Variants in IGSF10 observed in about 807,000 individuals in gnomAD.
IGSF10 encodes immunoglobulin superfamily member 10.
A neutral mutation model predicts 128.2 loss-of-function variants in IGSF10; 126 were observed. The ratio of observed to expected loss-of-function variants is 0.98; its 90% CI spans 0.85 to 1.14. IGSF10 has a LOEUF of 1.14. IGSF10 is among the 50% of genes most tolerant of loss of function. The pLI is 0.00. For missense variants in IGSF10, 3,295 were observed against 3,149.8 expected, an observed-to-expected ratio of 1.05 and a Z score of -1.10; for synonymous variants, 1,185 against 1,146.2, an observed-to-expected ratio of 1.03 and a Z score of -0.68.
At chr3:151,604,150 T>A in the IGSF10 span, among the ~76,000 whole-genome samples, 1 of 152,202 alleles carries the variant, frequency 6.6e-6, no homozygotes, top group East Asian at 1.9e-4. Context: ...GTATAGTAAG[T>A]AAACTATCTA....
At chr3:151,519,796 T>A in the IGSF10 span, among the ~76,000 whole-genome samples, 1 of 151,806 alleles carries the variant, frequency 6.6e-6, no homozygotes, top group Non-Finnish European at 1.5e-5. Flanking sequence ...CAGGTGAGAG[T>A]AAAGCCTTAG....
At chr3:151,476,603 T>A in the IGSF10 span, among the ~76,000 whole-genome samples, 1 of 152,186 alleles carries the variant, frequency 6.6e-6, no homozygotes, top group Admixed American at 6.5e-5. Context: ...CAAGTGGCCT[T>A]GCGCCTTGGG....
At chr3:151,617,260 C>CTCCTCTTCTTCTTCTTCT in the IGSF10 span, among the ~76,000 whole-genome samples, 1 of 55,688 alleles carries the variant, frequency 1.8e-5, no homozygotes, top group Admixed American at 1.9e-4. Context: ...TCTTCTCCTT[C>CTCCTCTTCTTCTTCTTCT]TCTTCTTCTT....
At chr3:151,454,911 C>T (rs114576503) in intron 4 of IGSF10, among the ~76,000 whole-genome samples, 1,773 of 152,080 alleles carry the variant, frequency 0.012, 22 homozygotes, top group African/African-American at 0.04. Context: ...GAGGCTGAGG[C>T]ATGAGAATCA....
In IGSF10 at chr3:151,436,806, G is replaced by C. The variant is rs765451483; in HGVS notation, c.7755C>G (p.His2585Gln). Reference sequence around the variant, plus strand: ...TCTGAATGACTAGGGTACCTTGTAAGTGAAGCTGCTCACTTCCATGTGTCC... The same window carrying C: ...TCTGAATGACTAGGGTACCTTGTAACTGAAGCTGCTCACTTCCATGTGTCC... ...KERTHGSEQL[H>Q]LQGTLVIQNP... The change falls in exon 8 of 8, where the codon CAC (histidine) becomes CAG (glutamine). Residue 2585 changes from histidine (H) to glutamine (Q), a missense_variant. Transcript: ENST00000282466. The C allele has an allele frequency of 2.5e-6, 4 of 1,614,152 alleles. No homozygotes were observed. The highest frequency in any genetic ancestry group is 3.4e-6 in the Non-Finnish European group (4 of 1,180,010).
the IGSF10 span, among the ~76,000 whole-genome samples, chr3:151,537,149 C>G: frequency 5.3e-5 from 8 of 152,116 alleles, no homozygotes; most frequent in Non-Finnish European, 1.0e-4. Context: ...TTTTGCCTCC[C>G]TAAAGTTGGG....
chr3:151,554,040 A>G, the IGSF10 span, among the ~76,000 whole-genome samples: 2 of 151,780 alleles, frequency 1.3e-5, no homozygotes, highest in African/African-American at 4.8e-5. Flanking sequence ...CAGCTACTCC[A>G]GAGGCTGAGG....
chr3:151,434,127 G>GTTAT (rs1719828950), downstream of IGSF10: 1 of 152,144 alleles, frequency 6.6e-6, no homozygotes, highest in Non-Finnish European at 1.5e-5. Flanking sequence ...CATGTTCTCT[G>GTTAT]TTATTTCATT....
chr3:151,613,925 A>G, the IGSF10 span, among the ~76,000 whole-genome samples: 4 of 152,222 alleles, frequency 2.6e-5, no homozygotes, highest in Non-Finnish European at 5.9e-5. Flanking sequence ...CAACCTACTC[A>G]TCTGACAAAG....
At chr3:151,480,808 C>T in the IGSF10 span, among the ~76,000 whole-genome samples, 1 of 152,040 alleles carries the variant, frequency 6.6e-6, no homozygotes, top group Non-Finnish European at 1.5e-5. Flanking sequence ...TAATACCCCA[C>T]CCCTGCAGAC....
chr3:151,594,534 C>T, the IGSF10 span, among the ~76,000 whole-genome samples: 424 of 151,542 alleles, frequency 2.8e-3, 2 homozygotes, highest in African/African-American at 9.8e-3. Flanking sequence ...GGGGTTTCAC[C>T]GTGGTCTCTA....
chr3:151,613,000 T>C, the IGSF10 span, among the ~76,000 whole-genome samples: 1 of 152,188 alleles, frequency 6.6e-6, no homozygotes, highest in Non-Finnish European at 1.5e-5. Flanking sequence ...AGTCTCAGGA[T>C]ACAAAATCAA....
the IGSF10 span, among the ~76,000 whole-genome samples, chr3:151,511,818 T>C: frequency 6.6e-6 from 1 of 152,090 alleles, no homozygotes; most frequent in South Asian, 2.1e-4. Context: ...GTAATCCTAG[T>C]CTCGGATAAA....
At chr3:151,598,688 C>T in the IGSF10 span, among the ~76,000 whole-genome samples, 1 of 152,168 alleles carries the variant, frequency 6.6e-6, no homozygotes, top group African/African-American at 2.4e-5. Flanking sequence ...TGTGTACATT[C>T]AGTATAGACA....
At chr3:151,470,864 C>A in the IGSF10 span, among the ~76,000 whole-genome samples, 6 of 152,300 alleles carry the variant, frequency 3.9e-5, no homozygotes, top group East Asian at 1.2e-3. Flanking sequence ...ACCAAACCCG[C>A]ATTTTTCAGT....
In IGSF10 at chr3:151,446,499, C is replaced by G; in HGVS notation, c.3482G>C (p.Ser1161Thr). 3 of 1,614,144 alleles carry G rather than the reference C, an allele frequency of 1.9e-6. No homozygotes were observed. Among genetic ancestry groups the G allele is most frequent in the Non-Finnish European group, 2.5e-6 (3 of 1,180,022 alleles). Residue 1161 changes from serine (S) to threonine (T), a missense_variant, in exon 6 of 8, where the codon AGT becomes ACT. Physicochemically the swap from Ser to Thr is moderately conservative, Grantham distance 58. Transcript: ENST00000282466. ...ATTGGTGCTAGACACACGTGGGTAA[C>G]TGGCGTTTACTTTGTGAGTTTTTTC... is the stretch of plus-strand genomic sequence containing the variant. ...PMEKTHKVNA[S>T]YPRVSSTNEA...
Position 151,436,976 on chromosome 3 carries a change from G to A in IGSF10, c.7585C>T (p.Arg2529Ter), listed in dbSNP as rs933213537. 35 of 1,614,092 alleles carry A rather than the reference G, an allele frequency of 2.2e-5. No individual in the cohort carries two copies. The highest frequency in any genetic ancestry group is 2.8e-5 in the Non-Finnish European group (33 of 1,180,034). Residue 2529 changes from arginine to a stop codon, truncating the protein, a stop_gained, in exon 8 of 8, where the codon CGA (arginine) becomes TGA (stop). Transcript: ENST00000282466. LOFTEE classifies it low-confidence loss of function (END_TRUNC). ...VPVMIVAYPP[R>*]ITNRPPRSIV... Reference sequence around the variant, plus strand: ...CTCCTGGGTGGACGATTTGTAATTCGGGGAGGGTAGGCTACAATCATTACT... The same window carrying A: ...CTCCTGGGTGGACGATTTGTAATTCAGGGAGGGTAGGCTACAATCATTACT...
At chr3:151,500,344 T>C in the IGSF10 span, among the ~76,000 whole-genome samples, 12 of 152,120 alleles carry the variant, frequency 7.9e-5, no homozygotes, top group East Asian at 1.9e-4. Flanking sequence ...ATTTGAGGAA[T>C]TGACCAGTAT....
At chr3:151,486,635 A>G in the IGSF10 span, among the ~76,000 whole-genome samples, 1 of 152,234 alleles carries the variant, frequency 6.6e-6, no homozygotes, top group East Asian at 1.9e-4. Flanking sequence ...GTGCAATCAA[A>G]TTAGAACTCA....
Sources: gnomAD v4.1 joint callset for allele counts (sites outside exome capture counted in the v4.1 genomes callset) on GRCh38, gnomAD v4.1.1 for gene constraint, MANE v1.5 for transcripts, NCBI Gene and HGNC (gene_info 2026-07-23, HGNC 2026-07-21) for gene names.